Variants in PCDHGC5 observed in about 807,000 individuals in gnomAD.
The protein encoded by PCDHGC5 is protocadherin gamma subfamily C, 5.
A neutral mutation model predicts 59.0 loss-of-function variants in PCDHGC5; 25 were observed. The ratio of observed to expected loss-of-function variants is 0.42; its 90% CI spans 0.31 to 0.59. The LOEUF (loss-of-function observed/expected upper bound fraction) is 0.59, where lower values mean the gene tolerates loss of function less well. PCDHGC5 is among the 20% of genes least tolerant of loss of function. The pLI is 0.13. For synonymous variants in PCDHGC5, 434 were observed against 505.5 expected (o/e 0.86, Z 1.90); for missense variants, 1,067 against 1,206.4 (o/e 0.88, Z 1.71).
At chr5:141,508,588 C>G (rs1721443459) in intron 3 of PCDHGC5, among the ~76,000 whole-genome samples, 1 of 152,176 alleles carries the variant, frequency 6.6e-6, no homozygotes, top group African/African-American at 2.4e-5. Context: ...GGGTGCTACT[C>G]AGAGATCTTG....
intron 1 of PCDHGC5, among the ~76,000 whole-genome samples, chr5:141,492,632 C>T (rs1359761285): frequency 1.3e-5 from 2 of 152,256 alleles, no homozygotes; most frequent in Admixed American, 1.3e-4. Context: ...CAGGACTCTA[C>T]GATCCTTGGG....
In PCDHGC5 at chr5:141,490,647, G is replaced by T; in HGVS notation, c.1407G>T (p.Pro469=). 6.2e-7 allele frequency: 1 copy of T among 1,614,084 alleles called. No homozygotes were observed. Among genetic ancestry groups the T allele is most frequent in the Non-Finnish European group, 8.5e-7 (1 of 1,180,014 alleles). ...CTTACATCCTAGAAAACCGGCCTCCGGGCTCCCTTCTTTGCACTGTGGCTG... is the reference window on the plus strand; with the variant it reads ...CTTACATCCTAGAAAACCGGCCTCCTGGCTCCCTTCTTTGCACTGTGGCTG... ...YTAYILENRP[P]GSLLCTVAAS... is the part of the protein sequence containing the mutation. The change falls in exon 1 of 4, where the codon CCG becomes CCT. Residue 469 remains proline, a synonymous_variant. Transcript: ENST00000252087. This position sits in a 1 kb window ranked among gnomAD's most constrained non-coding sequence, Gnocchi z 5.4.
In PCDHGC5 at chr5:141,511,296, A is replaced by C; in HGVS notation, c.*123A>C. 1 of 1,505,968 alleles carries C rather than the reference A, an allele frequency of 6.6e-7. No individual in the cohort carries two copies. The allele number at this position is 1,505,968 out of a possible 1,614,324, so 93.3% of individuals were successfully genotyped here. On this transcript the variant is annotated 3_prime_UTR_variant, in exon 4 of 4. Coordinates refer to ENST00000252087, the MANE Select transcript of PCDHGC5 (RefSeq NM_018929.3). ...CAGAATACTGGTAGGGGCCAAGGCCATGCTCCCCTTGGGAAACAGAAACAA... is the reference window on the plus strand; with the variant it reads ...CAGAATACTGGTAGGGGCCAAGGCCCTGCTCCCCTTGGGAAACAGAAACAA...
intron 3 of PCDHGC5, among the ~76,000 whole-genome samples, chr5:141,510,214 A>G (rs1047332886): frequency 6.6e-6 from 1 of 151,406 alleles, no homozygotes; most frequent in Non-Finnish European, 1.5e-5. Context: ...CAGAGGTTGC[A>G]GTGAGCCGGG....
At position 141,491,154 on chromosome 5, in the gene PCDHGC5, C is replaced by T. The variant is rs773308291; in HGVS notation, c.1914C>T (p.Asp638=). ...CAGCCCGGGCCTTACTGGAGGATGACTCTGACACCCAGCAGGTGGTGGTCC... is the reference window on the plus strand; with the variant it reads ...CAGCCCGGGCCTTACTGGAGGATGATTCTGACACCCAGCAGGTGGTGGTCC... The part of the protein sequence containing the change: ...VRTARALLED[D]SDTQQVVVLV... Residue 638 remains aspartate, a synonymous_variant, in exon 1 of 4, where the codon GAC becomes GAT. Coordinates refer to ENST00000252087, the MANE Select transcript of PCDHGC5 (RefSeq NM_018929.3). The surrounding 1 kb of genome is among the most constrained non-coding windows in gnomAD (Gnocchi z 6.9). The T allele has an allele frequency of 6.2e-7, 1 of 1,614,162 alleles. No homozygotes were observed. The highest frequency in any genetic ancestry group is 1.7e-5 in the Admixed American group (1 of 60,026).
chr5:141,511,428 G>T lies in PCDHGC5; in HGVS notation c.*255G>T. 1 of 769,024 alleles carries T rather than the reference G, an allele frequency of 1.3e-6. No homozygotes were observed. The highest frequency in any genetic ancestry group is 2.0e-6 in the Non-Finnish European group (1 of 504,448). 47.6% of individuals were successfully genotyped at this position (769,024 alleles called of 1,614,324 possible). ...ACTGCTGTACCCATGGGGGTAGTGG[G>T]GTTACTGTAGACACCAAGAACCATT... On this transcript the variant is annotated 3_prime_UTR_variant, in exon 4 of 4. Transcript: ENST00000252087.
chr5:141,498,265 T>G (rs2099782779), intron 2 of PCDHGC5, among the ~76,000 whole-genome samples: 2 of 152,010 alleles, frequency 1.3e-5, no homozygotes, highest in Non-Finnish European at 2.9e-5. Context: ...TGTTGAGTTC[T>G]TCAGTAAACT....
chr5:141,491,071 C>A lies in PCDHGC5; in HGVS notation c.1831C>A (p.Pro611Thr), dbSNP rs987564933. ...TGCGTGGCTCTCCTACTCACTGTTG[C>A]CACAGTCCACAGCCCCAGGACTGTT... ...HNAWLSYSLL[P>T]QSTAPGLFLV... Residue 611 changes from proline to threonine, a missense_variant, in exon 1 of 4, where the codon CCA becomes ACA. Pro to Thr is a conservative substitution (Grantham distance 38). Transcript: ENST00000252087. This position sits in a 1 kb window ranked among gnomAD's most constrained non-coding sequence, Gnocchi z 6.9. 2 of 1,614,034 alleles carry A rather than the reference C, an allele frequency of 1.2e-6. No individual in the cohort carries two copies. The highest frequency in any genetic ancestry group is 1.7e-6 in the Non-Finnish European group (2 of 1,180,036).
At chr5:141,498,073 T>C (rs1474889879) in intron 2 of PCDHGC5, among the ~76,000 whole-genome samples, 1 of 152,214 alleles carries the variant, frequency 6.6e-6, no homozygotes, top group Non-Finnish European at 1.5e-5. Context: ...CTGTCATAAG[T>C]GCTAGGTAGA....
At position 141,511,572 on chromosome 5, in the gene PCDHGC5, T is replaced by C. The variant is rs1366960269; in HGVS notation, c.*399T>C. The C allele has an allele frequency of 1.0e-5, 3 of 289,550 alleles. No homozygotes were observed. The East Asian group carries it at 2.4e-4, about 23-fold the overall frequency. 17.9% of individuals were successfully genotyped at this position (289,550 alleles called of 1,614,324 possible). ...AACAGTTCCTCTTTCCCGAGTAAGG[T>C]GGTTGGGGTGTTGAAGTACCAAGTA... On this transcript the variant is annotated 3_prime_UTR_variant, in exon 4 of 4. Coordinates refer to ENST00000252087, the MANE Select transcript of PCDHGC5 (RefSeq NM_018929.3).
At chr5:141,504,785 G>A (rs1439244687) in intron 2 of PCDHGC5, among the ~76,000 whole-genome samples, 1 of 151,964 alleles carries the variant, frequency 6.6e-6, no homozygotes, top group East Asian at 1.9e-4. Context: ...GTCTCTTGGG[G>A]CCTCCTACAT....
At chr5:141,498,137 G>T (rs1319960274) in intron 2 of PCDHGC5, among the ~76,000 whole-genome samples, 1 of 152,204 alleles carries the variant, frequency 6.6e-6, no homozygotes, top group Non-Finnish European at 1.5e-5. Context: ...GGAGCAGGAG[G>T]ACATCCTGGA....
At chr5:141,500,546 G>A (rs1428503967) in intron 2 of PCDHGC5, among the ~76,000 whole-genome samples, 1 of 152,126 alleles carries the variant, frequency 6.6e-6, no homozygotes, top group African/African-American at 2.4e-5. Context: ...ACCTAAATAA[G>A]TTGTTCACAA....
Position 141,498,864 on chromosome 5 carries a change from C to T in PCDHGC5, c.2519+3999C>T, listed in dbSNP as rs1370263013. Among the ~76,000 whole-genome samples the T allele has an allele frequency of 2.7e-5, 4 of 149,532 alleles. No homozygotes were observed. The East Asian group carries it at 5.9e-4, about 22-fold the overall frequency. ...AGGGGAATCGCTTGAACCCAGGAGG[C>T]GGAGGTTGCAGTGAGCTGAGATCAC... On this transcript the variant is annotated intron_variant, in intron 2 of 3. Coordinates refer to ENST00000252087, the MANE Select transcript of PCDHGC5 (RefSeq NM_018929.3).
Position 141,489,216 on chromosome 5 carries a change from C to G in PCDHGC5, c.-25C>G. The G allele has an allele frequency of 6.7e-7, 1 of 1,486,698 alleles. No individual in the cohort carries two copies. Among genetic ancestry groups the G allele is most frequent in the Non-Finnish European group, 9.1e-7 (1 of 1,103,260 alleles). 92.1% of individuals were successfully genotyped at this position (1,486,698 alleles called of 1,614,324 possible). ...TTGGAGACAGGACAGCACAGACTTA[C>G]TCTCCACAAAGGGACTTCTGGGTCA... On this transcript the variant is annotated 5_prime_UTR_variant, in exon 1 of 4. Transcript: ENST00000252087. This position sits in a 1 kb window ranked among gnomAD's most constrained non-coding sequence, Gnocchi z 4.5.
intron 1 of PCDHGC5, 143 bp from the exon 2 acceptor site, chr5:141,494,664 A>T: frequency 6.7e-7 from 1 of 1,500,298 alleles, no homozygotes; most frequent in Non-Finnish European, 8.9e-7. Flanking sequence ...GTCTTTGGAG[A>T]TGAGTCCACC....
chr5:141,495,547 C>G (rs2099762038), intron 2 of PCDHGC5, among the ~76,000 whole-genome samples: 1 of 152,228 alleles, frequency 6.6e-6, no homozygotes, highest in South Asian at 2.1e-4. Flanking sequence ...CAGTCTCTAT[C>G]TCGCTTTGCA....
intron 2 of PCDHGC5, among the ~76,000 whole-genome samples, chr5:141,500,310 G>A (rs1327269551): frequency 6.6e-6 from 1 of 151,740 alleles, no homozygotes; most frequent in Non-Finnish European, 1.5e-5. Flanking sequence ...CCAGGTTCAC[G>A]CCATGCTCCT....
intron 2 of PCDHGC5, among the ~76,000 whole-genome samples, chr5:141,500,112 C>G (rs2099796438): frequency 6.8e-6 from 1 of 147,138 alleles, no homozygotes; most frequent in Non-Finnish European, 1.5e-5. Context: ...TGTTGAATCC[C>G]TGCCTTTTCA....
Sources: gnomAD v4.1 joint callset for allele counts (sites outside exome capture counted in the v4.1 genomes callset) on GRCh38, gnomAD v4.1.1 for gene constraint, Gnocchi (gnomAD v3.1) non-coding constraint, MANE v1.5 for transcripts, NCBI Gene and HGNC (gene_info 2026-07-23, HGNC 2026-07-21) for gene names.